The following KCNH5 variants were observed in gnomAD, a reference collection of about 807,000 sequenced individuals.
KCNH5 encodes the protein voltage-gated delayed rectifier potassium channel KCNH5.
Under a neutral mutation model 96.1 loss-of-function variants are expected in KCNH5, and 46 were observed. The observed-to-expected ratio is 0.48, with a 90% CI of 0.38 to 0.61. The LOEUF (loss-of-function observed/expected upper bound fraction) is 0.61. KCNH5 is among the 20% of genes least tolerant of loss of function. The pLI is 0.00. For synonymous variants in KCNH5, 439 were observed against 449.8 expected, an observed-to-expected ratio of 0.98 and a Z score of 0.30; for missense variants, 907 against 1,225.8, an observed-to-expected ratio of 0.74 and a Z score of 3.88.
chr14:62,858,001 C>T (rs1887963098), intron 7 of KCNH5, among the ~76,000 whole-genome samples: 1 of 151,926 alleles, frequency 6.6e-6, no homozygotes, highest in Non-Finnish European at 1.5e-5. Flanking sequence ...CACACCAATC[C>T]CCAACCCAAA....
In KCNH5 at chr14:62,770,153, C is replaced by A. The variant is rs528283240; in HGVS notation, c.2019+9575G>T. ...TGGAACACCCATTGTCACTCCTAGACCATTTCTTCGAAGATGCTCGTATTG... is the reference window on the plus strand; with the variant it reads ...TGGAACACCCATTGTCACTCCTAGAACATTTCTTCGAAGATGCTCGTATTG... On this transcript the variant is annotated intron_variant, in intron 10 of 10. Transcript: ENST00000322893. 7.2e-5 allele frequency among the ~76,000 whole-genome samples: 11 copies of A among 152,262 alleles called. No individual in the cohort carries two copies. In the South Asian group the frequency reaches 1.2e-3, roughly 17 times the overall value.
intron 7 of KCNH5, chr14:62,949,894 C>A: frequency 2.8e-6 from 1 of 356,018 alleles, no homozygotes; most frequent in Non-Finnish European, 5.2e-6. Context: ...CTGGTTCCTT[C>A]AAGAGAGCAC....
chr14:63,004,745 T>C (rs573104913), intron 3 of KCNH5, among the ~76,000 whole-genome samples: 2 of 152,220 alleles, frequency 1.3e-5, no homozygotes, highest in African/African-American at 2.4e-5. Context: ...GCTGGGACTA[T>C]AGGCATGTGC....
intron 10 of KCNH5, among the ~76,000 whole-genome samples, chr14:62,740,518 G>A (rs752514001): frequency 4.6e-5 from 7 of 152,038 alleles, no homozygotes; most frequent in Middle Eastern, 3.4e-3. Flanking sequence ...TTCTTTTCAC[G>A]GCACTCCGAA....
intron 8 of KCNH5, among the ~76,000 whole-genome samples, chr14:62,835,055 A>G (rs1887437592): frequency 6.6e-6 from 1 of 152,024 alleles, no homozygotes; most frequent in South Asian, 2.1e-4. Context: ...ATATAATAAG[A>G]AAATAAACAA....
chr14:62,843,086 A>G (rs368358891), intron 8 of KCNH5, among the ~76,000 whole-genome samples: 1 of 152,104 alleles, frequency 6.6e-6, no homozygotes, highest in African/African-American at 2.4e-5. Flanking sequence ...ACTTCAACTT[A>G]CCTGTCATAT....
chr14:63,040,879 A>G (rs528679050), intron 1 of KCNH5, among the ~76,000 whole-genome samples: 1 of 152,050 alleles, frequency 6.6e-6, no homozygotes, highest in Non-Finnish European at 1.5e-5. Context: ...GAGGATACTG[A>G]GTTTCTTCTC....
In KCNH5 at chr14:62,849,752, G is replaced by A. The variant is rs778668323; in HGVS notation, c.1470C>T (p.Asp490=). The A allele has an allele frequency of 3.1e-6, 5 of 1,613,746 alleles. No individual in the cohort carries two copies. The South Asian group carries it at 5.5e-5, about 18-fold the overall frequency. Residue 490 remains aspartate, a synonymous_variant, in exon 8 of 11, where the codon GAC becomes GAT. Transcript: ENST00000322893. ...RYHEMLNNVR[D]FLKLYQVPKG... is the part of the protein sequence containing the mutation. ...TTGGGACCTGATAGAGTTTTAGGAA[G>A]TCCCGTACATTATTCAGCATCTCAT... is the stretch of plus-strand genomic sequence containing the variant.
At chr14:62,943,076 A>G (rs1181041337) in intron 7 of KCNH5, among the ~76,000 whole-genome samples, 1 of 152,210 alleles carries the variant, frequency 6.6e-6, no homozygotes, top group Admixed American at 6.5e-5. Flanking sequence ...ATATATATGG[A>G]GAGAGAAAAA....
chr14:62,841,021 A>G (rs1018791590), intron 8 of KCNH5, among the ~76,000 whole-genome samples: 7 of 152,120 alleles, frequency 4.6e-5, no homozygotes, highest in Admixed American at 4.6e-4. Flanking sequence ...TCAGTACTGA[A>G]TATAAATTAT....
intron 9 of KCNH5, among the ~76,000 whole-genome samples, chr14:62,783,763 C>T (rs11844092): frequency 0.32 from 48,352 of 151,594 alleles, 8,339 homozygotes; most frequent in South Asian, 0.54. Context: ...TATTAATGTC[C>T]AAAGAATTAA....
At chr14:62,792,949 GA>G (rs1886464143) in intron 9 of KCNH5, among the ~76,000 whole-genome samples, 1 of 151,708 alleles carries the variant, frequency 6.6e-6, no homozygotes, top group African/African-American at 2.4e-5. Context: ...GCATACAATG[GA>G]ATATTATTCA....
chr14:62,889,946 A>T (rs1203587000), intron 7 of KCNH5, among the ~76,000 whole-genome samples: 1 of 152,210 alleles, frequency 6.6e-6, no homozygotes, highest in African/African-American at 2.4e-5. Context: ...AATATAACCC[A>T]TCTTCGGCAA....
At position 63,020,815 on chromosome 14, in the gene KCNH5, C is replaced by A. The variant is rs574226984; in HGVS notation, c.74-3861G>T. 9.2e-5 allele frequency among the ~76,000 whole-genome samples: 14 copies of A among 152,116 alleles called. No homozygotes were observed. The East Asian group carries it at 2.7e-3, about 29-fold the overall frequency. On this transcript the variant is annotated intron_variant, in intron 1 of 10. Transcript: ENST00000322893. ...AATTTTTTAAAACACACAAAGAGGA[C>A]AATGGATAACTCCGTCTGACCAGAG... is the stretch of plus-strand genomic sequence containing the variant.
intron 4 of KCNH5, among the ~76,000 whole-genome samples, chr14:62,996,067 TATC>T (rs1321458189): frequency 1.3e-5 from 2 of 152,204 alleles, no homozygotes; most frequent in Non-Finnish European, 2.9e-5. Flanking sequence ...ATTATGGTGT[TATC>T]ATGTCATCGC....
chr14:62,867,073 G>A (rs187117753), intron 7 of KCNH5, among the ~76,000 whole-genome samples: 19 of 152,174 alleles, frequency 1.2e-4, no homozygotes, highest in Admixed American at 9.2e-4. Flanking sequence ...GCTTCCACCC[G>A]CAACTTATTC....
At chr14:62,850,445 C>T (rs1887781533) in intron 7 of KCNH5, among the ~76,000 whole-genome samples, 1 of 152,170 alleles carries the variant, frequency 6.6e-6, no homozygotes, top group Non-Finnish European at 1.5e-5. Context: ...CAAAATAAAA[C>T]TTTGGCAATG....
intron 10 of KCNH5, among the ~76,000 whole-genome samples, chr14:62,748,995 T>A (rs995508260): frequency 6.6e-5 from 10 of 152,192 alleles, no homozygotes; most frequent in Non-Finnish European, 1.3e-4. Context: ...GGCAGAAATA[T>A]GAGTGTCTAA....
intron 8 of KCNH5, among the ~76,000 whole-genome samples, chr14:62,809,001 C>A (rs1440668664): frequency 6.6e-6 from 1 of 152,074 alleles, no homozygotes; most frequent in Non-Finnish European, 1.5e-5. Flanking sequence ...CTGGAACGTT[C>A]ATGAATATCA....
Sources: allele counts gnomAD v4.1 joint callset (sites outside exome capture counted in the v4.1 genomes callset), GRCh38; gene constraint gnomAD v4.1.1; transcripts MANE v1.5; gene names NCBI Gene and HGNC (gene_info 2026-07-23, HGNC 2026-07-21).